ARHGAP28: variants seen among roughly 807,000 people sequenced by gnomAD.
ARHGAP28 encodes rho GTPase-activating protein 28.
A neutral mutation model predicts 90.7 loss-of-function variants in ARHGAP28; 56 were observed. The observed-to-expected ratio is 0.62, with a 90% CI of 0.50 to 0.77. The LOEUF (loss-of-function observed/expected upper bound fraction) is 0.77, where lower values mean the gene tolerates loss of function less well. Ranked by LOEUF, ARHGAP28 falls within the 30% of genes least tolerant of loss-of-function variation. The pLI, the probability that ARHGAP28 is intolerant of heterozygous loss-of-function variation, is 0.00. For synonymous variants in ARHGAP28, 308 were observed against 323.3 expected (o/e 0.95, Z 0.51); for missense variants, 869 against 900.9 (o/e 0.96, Z 0.45).
chr18:6,821,008 G>C (rs1214983900), intron 1 of ARHGAP28, among the ~76,000 whole-genome samples: 1 of 152,148 alleles, frequency 6.6e-6, no homozygotes, highest in Non-Finnish European at 1.5e-5. Context: ...CATGTATTTA[G>C]TTTTTCAAAA....
At chr18:6,908,053 G>A (rs2057373607) in intron 16 of ARHGAP28, among the ~76,000 whole-genome samples, 1 of 151,948 alleles carries the variant, frequency 6.6e-6, no homozygotes, top group South Asian at 2.1e-4. Context: ...TCTAGTCTAG[G>A]GTGGAAAAAT....
intron 3 of ARHGAP28, among the ~76,000 whole-genome samples, chr18:6,840,605 CAG>C (rs2056799268): frequency 1.3e-5 from 2 of 152,144 alleles, no homozygotes; most frequent in Non-Finnish European, 2.9e-5. Context: ...GAGGGCCTAA[CAG>C]GGTGCATTTG....
chr18:6,873,926 T>C (rs2057110597), intron 9 of ARHGAP28, 151 bp downstream of exon 9: 2 of 713,198 alleles, frequency 2.8e-6, no homozygotes, highest in Non-Finnish European at 4.7e-6. Flanking sequence ...CTTTATTCCA[T>C]GCACCGCATA....
At chr18:6,769,413 G>T (rs2056225069) in intron 1 of ARHGAP28, among the ~76,000 whole-genome samples, 1 of 152,136 alleles carries the variant, frequency 6.6e-6, no homozygotes, top group Non-Finnish European at 1.5e-5. Flanking sequence ...TTTCTCCTTT[G>T]CATGTCCATG....
At chr18:6,745,808 T>A (rs1450012628) in intron 1 of ARHGAP28, among the ~76,000 whole-genome samples, 1 of 152,204 alleles carries the variant, frequency 6.6e-6, no homozygotes, top group Admixed American at 6.5e-5. Flanking sequence ...CAATAATGTG[T>A]ACAGACCATT....
rs771762822 is a variant in ARHGAP28, at chr18:6,868,173, T to G, written c.750T>G (p.Val250=). ...DSVAILETIP[V]LPVHSNGSPE... is the part of the protein sequence containing the mutation. ...AGGCTATACTTGAGACCATTCCAGT[T>G]CTACCAGTTCATTCCAATGGATCAC... The change falls in exon 6 of 18, where the codon GTT becomes GTG. Residue 250 remains valine (V), a synonymous_variant. Coordinates refer to ENST00000383472, the MANE Select transcript of ARHGAP28 (RefSeq NM_001366230.1). 1 of 1,614,024 alleles carries G rather than the reference T, an allele frequency of 6.2e-7. No homozygotes were observed. The highest frequency in any genetic ancestry group is 1.3e-5 in the African/African-American group (1 of 74,908).
chr18:6,828,719 A>G (rs1192736908), intron 2 of ARHGAP28, among the ~76,000 whole-genome samples: 2 of 152,156 alleles, frequency 1.3e-5, no homozygotes, highest in Non-Finnish European at 2.9e-5. Context: ...CAGAAGATGG[A>G]AGAGTGGGGA....
intron 3 of ARHGAP28, among the ~76,000 whole-genome samples, chr18:6,838,715 T>C (rs2056773327): frequency 6.6e-6 from 1 of 152,232 alleles, no homozygotes; most frequent in Admixed American, 6.5e-5. Flanking sequence ...AGTTCTAGAA[T>C]CTTCTGCCAT....
At chr18:6,840,355 C>T (rs1469888046) in intron 3 of ARHGAP28, among the ~76,000 whole-genome samples, 1 of 152,196 alleles carries the variant, frequency 6.6e-6, no homozygotes, top group Non-Finnish European at 1.5e-5. Context: ...TTCCCAAATC[C>T]TCCATTTACT....
At position 6,841,191 on chromosome 18, in the gene ARHGAP28, CTCTCTCT is replaced by C. The variant is rs1567966707; in HGVS notation, c.543+3778_543+3784del. Among the ~76,000 whole-genome samples the C allele has an allele frequency of 4.8e-3, 317 of 65,812 alleles. 2 individuals carry two copies. The highest frequency in any genetic ancestry group is 7.2e-3 in the Non-Finnish European group (254 of 35,174). 43.2% of individuals were successfully genotyped at this position (65,812 alleles called of 152,430 possible). On this transcript the variant is annotated intron_variant, in intron 3 of 17. Transcript: ENST00000383472. The stretch of plus-strand genomic sequence containing the variant: ...TCCTCTCTCTCTCTCCTCTCTCTCT[CTCTCTCT>C]CTCTCCTCTCCTCTCTCTCTCTCTC...
chr18:6,740,332 C>T (rs73380731), intron 1 of ARHGAP28, among the ~76,000 whole-genome samples: 2 of 152,146 alleles, frequency 1.3e-5, no homozygotes, highest in Non-Finnish European at 2.9e-5. Context: ...TGTTCTAAAT[C>T]GTGCTCAAAA....
chr18:6,860,658 C>A (rs147608532), intron 5 of ARHGAP28, among the ~76,000 whole-genome samples: 1 of 152,284 alleles, frequency 6.6e-6, no homozygotes, highest in Middle Eastern at 3.4e-3. Context: ...CTGTCCATTT[C>A]GAGAAACAAG....
chr18:6,855,312 G>A (rs750784216), intron 4 of ARHGAP28, among the ~76,000 whole-genome samples: 5 of 152,096 alleles, frequency 3.3e-5, no homozygotes, highest in African/African-American at 7.2e-5. Flanking sequence ...GCCCATGGCC[G>A]CTCATGGACC....
At chr18:6,908,300 G>T (rs1295336751) in intron 16 of ARHGAP28, among the ~76,000 whole-genome samples, 1 of 151,902 alleles carries the variant, frequency 6.6e-6, no homozygotes, top group Non-Finnish European at 1.5e-5. Flanking sequence ...ACCACGCCCG[G>T]CTGATTTTTT....
intron 11 of ARHGAP28, among the ~76,000 whole-genome samples, chr18:6,883,247 T>G (rs1193535551): frequency 6.6e-6 from 1 of 151,862 alleles, no homozygotes; most frequent in African/African-American, 2.4e-5. Context: ...TAATTTTTTT[T>G]TTTTTTTTTG....
chr18:6,803,945 A>AT (rs1003609431), intron 1 of ARHGAP28, among the ~76,000 whole-genome samples: 4 of 151,604 alleles, frequency 2.6e-5, no homozygotes. Context: ...CGCCCAGCTA[A>AT]TTTTTTTGTA....
chr18:6,841,159 C>CTG (rs1567966365), intron 3 of ARHGAP28, among the ~76,000 whole-genome samples: 1 of 92,226 alleles, frequency 1.1e-5, no homozygotes, highest in African/African-American at 4.0e-5. Context: ...TCTCCTCTTT[C>CTG]TCTCTCTCCT....
chr18:6,835,493 C>T (rs976460943), intron 2 of ARHGAP28, among the ~76,000 whole-genome samples: 3 of 152,038 alleles, frequency 2.0e-5, no homozygotes, highest in African/African-American at 7.2e-5. Flanking sequence ...AGAAACTGGG[C>T]CTGTAATACA....
intron 2 of ARHGAP28, among the ~76,000 whole-genome samples, chr18:6,833,344 G>A (rs1014514737): frequency 5.3e-5 from 8 of 151,782 alleles, no homozygotes; most frequent in East Asian, 1.9e-4. Context: ...GACTGCTATC[G>A]TTTCTAGATT....
Sources: allele counts gnomAD v4.1 joint callset (sites outside exome capture counted in the v4.1 genomes callset), GRCh38; gene constraint gnomAD v4.1.1; transcripts MANE v1.5; gene names NCBI Gene and HGNC (gene_info 2026-07-23, HGNC 2026-07-21).